The following AGAP1 variants were observed in gnomAD, a reference collection of about 807,000 sequenced individuals.
AGAP1 encodes arf-GAP with GTPase, ANK repeat and PH domain-containing protein 1.
In AGAP1, 29 loss-of-function variants were observed where a neutral mutation model predicts 105.3. The observed-to-expected ratio is 0.28, with a 90% CI of 0.21 to 0.38. The LOEUF is 0.38. Among genes scored for constraint, AGAP1 ranks in the 10% least tolerant of loss-of-function variants. The pLI is 1.00. For missense variants in AGAP1, 998 were observed against 1,165.1 expected, an observed-to-expected ratio of 0.86 and a Z score of 2.09; for synonymous variants, 509 against 485.9, an observed-to-expected ratio of 1.05 and a Z score of -0.63.
rs895694571 is a variant in AGAP1, at chr2:235,612,078, A to G, written c.164-97101A>G. Among the ~76,000 whole-genome samples the G allele has an allele frequency of 1.2e-4, 19 of 152,356 alleles. 1 individual carries two copies. The highest frequency in any genetic ancestry group is 1.2e-3 in the Admixed American group (18 of 15,308). ...GAGTCTCACTGGAGAACAATCAGAC[A>G]TGCTTTATTTTCTACTTGTAATCGT... On this transcript the variant is annotated intron_variant, in intron 1 of 17. Transcript: ENST00000304032. The surrounding 1 kb of genome is among the most constrained non-coding windows in gnomAD (Gnocchi z 4.3).
chr2:235,573,654 C>T (rs909502894), intron 1 of AGAP1, among the ~76,000 whole-genome samples: 6 of 152,208 alleles, frequency 3.9e-5, no homozygotes, highest in Non-Finnish European at 8.8e-5. Context: ...GTGGCAACAA[C>T]ACTGCTGACA....
At chr2:236,023,614 G>A (rs1304878954) in intron 13 of AGAP1, among the ~76,000 whole-genome samples, 1 of 152,092 alleles carries the variant, frequency 6.6e-6, no homozygotes, top group Non-Finnish European at 1.5e-5. Flanking sequence ...TTCTGCCCAG[G>A]CCTTGGCTGT....
At chr2:236,015,124 G>T (rs1461146556) in intron 13 of AGAP1, among the ~76,000 whole-genome samples, 4 of 152,182 alleles carry the variant, frequency 2.6e-5, no homozygotes, top group African/African-American at 9.7e-5. Context: ...TCGTAGAGTA[G>T]TGATGTTTAA....
Position 235,557,584 on chromosome 2 carries a change from C to T in AGAP1, c.163+62735C>T, listed in dbSNP as rs967304713. On this transcript the variant is annotated intron_variant, in intron 1 of 17. Coordinates refer to ENST00000304032, the MANE Select transcript of AGAP1 (RefSeq NM_001037131.3). This position sits in a 1 kb window ranked among gnomAD's most constrained non-coding sequence, Gnocchi z 4.7. Reference sequence around the variant, plus strand: ...GGCCTTTTTTTCTGTGCCAATAACTCTCAGTGCTTAACCTGAAGAAGCCCA... The same window carrying T: ...GGCCTTTTTTTCTGTGCCAATAACTTTCAGTGCTTAACCTGAAGAAGCCCA... 6.6e-6 allele frequency among the ~76,000 whole-genome samples: 1 copy of T among 152,154 alleles called. No homozygotes were observed. The highest frequency in any genetic ancestry group is 2.4e-5 in the African/African-American group (1 of 41,442).
chr2:236,106,339 A>G (rs2059490052), intron 16 of AGAP1, among the ~76,000 whole-genome samples: 1 of 152,194 alleles, frequency 6.6e-6, no homozygotes, highest in Non-Finnish European at 1.5e-5. Context: ...TGGGAAGCGG[A>G]TGTCCATATG....
chr2:235,644,852 A>G (rs964189409), intron 1 of AGAP1, among the ~76,000 whole-genome samples: 1 of 151,262 alleles, frequency 6.6e-6, no homozygotes, highest in African/African-American at 2.4e-5. Context: ...ACTTGCGTAG[A>G]TTGCATTTAA....
intron 6 of AGAP1, among the ~76,000 whole-genome samples, chr2:235,785,218 C>G (rs988209425): frequency 6.6e-6 from 1 of 152,162 alleles, no homozygotes; most frequent in African/African-American, 2.4e-5. Context: ...GTAGATACAT[C>G]CATTTTTCTT....
At chr2:235,841,970 C>T (rs1283280796) in intron 9 of AGAP1, among the ~76,000 whole-genome samples, 2 of 152,158 alleles carry the variant, frequency 1.3e-5, no homozygotes, top group Non-Finnish European at 2.9e-5. Context: ...TTTGATGTGT[C>T]TCCGTGTTTA....
chr2:235,773,016 G>A (rs1340342209), intron 6 of AGAP1, among the ~76,000 whole-genome samples: 1 of 152,206 alleles, frequency 6.6e-6, no homozygotes, highest in East Asian at 1.9e-4. Flanking sequence ...CTGGTGGAGG[G>A]GGTCCAGGTT....
chr2:235,711,162 G>A (rs1950836698), intron 2 of AGAP1, among the ~76,000 whole-genome samples: 1 of 152,232 alleles, frequency 6.6e-6, no homozygotes, highest in Non-Finnish European at 1.5e-5. Context: ...GGCGCCATGT[G>A]GCTGTTGAGT....
intron 9 of AGAP1, chr2:235,853,244 A>C (rs1271970184): frequency 1.0e-6 from 1 of 1,003,090 alleles, no homozygotes; most frequent in Admixed American, 6.0e-5. Flanking sequence ...GGATGAGAGA[A>C]AAACGGGGTA....
chr2:235,680,944 C>A (rs1390473135), intron 1 of AGAP1, among the ~76,000 whole-genome samples: 2 of 152,118 alleles, frequency 1.3e-5, no homozygotes, highest in African/African-American at 4.8e-5. Flanking sequence ...CAGGATGCAG[C>A]CAGCTGTGTT....
chr2:235,860,586 A>G (rs1042026194), intron 9 of AGAP1, among the ~76,000 whole-genome samples: 8 of 152,212 alleles, frequency 5.3e-5, no homozygotes, highest in African/African-American at 1.9e-4. Context: ...AAATACAGCA[A>G]CTGACTGAGA....
chr2:236,052,587 C>G (rs568029398), intron 16 of AGAP1, among the ~76,000 whole-genome samples: 1 of 152,172 alleles, frequency 6.6e-6, no homozygotes, highest in African/African-American at 2.4e-5. Flanking sequence ...AAGCTGACGG[C>G]GGCTGAAGCA....
In AGAP1 at chr2:236,120,121, A is replaced by G; in HGVS notation, c.2115-71A>G. 6.5e-7 allele frequency: 1 copy of G among 1,549,116 alleles called. No homozygotes were observed. The highest frequency in any genetic ancestry group is 8.7e-7 in the Non-Finnish European group (1 of 1,147,184). On this transcript the variant is annotated intron_variant, in intron 16 of 17. Transcript: ENST00000304032. The surrounding 1 kb of genome is among the most constrained non-coding windows in gnomAD (Gnocchi z 6.0). The stretch of plus-strand genomic sequence containing the variant: ...TTCCCTCTCGGCTTCTCCCGACCAC[A>G]CTGGGCAGGGGCTGGCAGCCTGTGT...
rs1355362066 is a variant in AGAP1, at chr2:235,600,986, C to T, written c.163+106137C>T. On this transcript the variant is annotated intron_variant, in intron 1 of 17. Coordinates refer to ENST00000304032, the MANE Select transcript of AGAP1 (RefSeq NM_001037131.3). The surrounding 1 kb of genome is among the most constrained non-coding windows in gnomAD (Gnocchi z 4.8). Reference sequence around the variant, plus strand: ...TGCTTGTTGTTCTGGCCCCAGATCTCAGAGTCCTGGTAACGCCTCTCCTCT... The same window carrying T: ...TGCTTGTTGTTCTGGCCCCAGATCTTAGAGTCCTGGTAACGCCTCTCCTCT... Among the ~76,000 whole-genome samples the T allele has an allele frequency of 6.6e-6, 1 of 151,878 alleles. No homozygotes were observed. The highest frequency in any genetic ancestry group is 1.5e-5 in the Non-Finnish European group (1 of 68,036).
Position 235,691,356 on chromosome 2 carries a change from A to G in AGAP1, c.164-17823A>G, listed in dbSNP as rs78398547. Among the ~76,000 whole-genome samples, 7,060 of 152,320 alleles carry G rather than the reference A, an allele frequency of 0.046. 448 individuals carry two copies. The highest frequency in any genetic ancestry group is 0.14 in the African/African-American group (5,650 of 41,554). ...GAAAGGCACACGTTGGTAATGGCCA[A>G]TGGTTGCCAGTGCCTTACTTTTGGA... On this transcript the variant is annotated intron_variant, in intron 1 of 17. Coordinates refer to ENST00000304032, the MANE Select transcript of AGAP1 (RefSeq NM_001037131.3). The surrounding 1 kb of genome is among the most constrained non-coding windows in gnomAD (Gnocchi z 4.4).
In AGAP1 at chr2:236,012,198, C is replaced by G. The variant is rs1032702338; in HGVS notation, c.1646-24363C>G. Among the ~76,000 whole-genome samples, 4 of 152,028 alleles carry G rather than the reference C, an allele frequency of 2.6e-5. No individual in the cohort carries two copies. Among genetic ancestry groups the G allele is most frequent in the Non-Finnish European group, 4.4e-5 (3 of 68,012 alleles). On this transcript the variant is annotated intron_variant, in intron 13 of 17. Coordinates refer to ENST00000304032, the MANE Select transcript of AGAP1 (RefSeq NM_001037131.3). This position sits in a 1 kb window ranked among gnomAD's most constrained non-coding sequence, Gnocchi z 4.9. ...GCAAGTTCACTTCCTGCTTATACAT[C>G]CTGTGGTAATGGGAGAGCAGAGTGT...
At chr2:236,084,278 G>A (rs901878381) in intron 16 of AGAP1, among the ~76,000 whole-genome samples, 5 of 152,094 alleles carry the variant, frequency 3.3e-5, no homozygotes, top group African/African-American at 7.2e-5. Flanking sequence ...CAGTCTTGAC[G>A]GCCAGCCCCG....
Sources: gnomAD v4.1 joint callset for allele counts (sites outside exome capture counted in the v4.1 genomes callset) on GRCh38, gnomAD v4.1.1 for gene constraint, Gnocchi (gnomAD v3.1) non-coding constraint, MANE v1.5 for transcripts, NCBI Gene and HGNC (gene_info 2026-07-23, HGNC 2026-07-21) for gene names.